N4BP2: variants seen among roughly 807,000 people sequenced by gnomAD.
N4BP2 encodes the protein NEDD4-binding protein 2.
Under a neutral mutation model 152.8 loss-of-function variants are expected in N4BP2, and 91 were observed. That is an observed-to-expected ratio of 0.60 (90% CI 0.50 to 0.71). The LOEUF is 0.71. Ranked by LOEUF, N4BP2 falls within the 30% of genes least tolerant of loss-of-function variation. The pLI, the probability that N4BP2 is intolerant of heterozygous loss-of-function variation, is 0.00. For synonymous variants in N4BP2, 646 were observed against 705.3 expected (o/e 0.92, Z 1.33); for missense variants, 1,923 against 2,059.1 (o/e 0.93, Z 1.28).
chr4:40,069,133 C>CA (rs1283224661), intron 1 of N4BP2, among the ~76,000 whole-genome samples: 1 of 148,958 alleles, frequency 6.7e-6, no homozygotes, highest in Non-Finnish European at 1.5e-5. Flanking sequence ...CAAACAAAAA[C>CA]AAAAAACAAC....
At chr4:40,073,360 A>G (rs1179039438) in intron 1 of N4BP2, 95 bp from the exon 2 acceptor site, 2 of 152,008 alleles carry the variant, frequency 1.3e-5, no homozygotes, top group Non-Finnish European at 2.9e-5. Context: ...AATATCATAT[A>G]TATTATAAAT....
chr4:40,163,824 A>T, the N4BP2 span, among the ~76,000 whole-genome samples: 1 of 152,240 alleles, frequency 6.6e-6, no homozygotes. Context: ...ACCTGGAAGC[A>T]TCCTAATGAT....
At position 40,157,071 on chromosome 4, in the gene N4BP2, C is replaced by A. The variant is rs899103012; in HGVS notation, c.*2834C>A. ...ATTATATTCATTCAGTAGTCTCTTACCATTATCTCCCAGATGGAAAAAGAG... is the reference window on the plus strand; with the variant it reads ...ATTATATTCATTCAGTAGTCTCTTAACATTATCTCCCAGATGGAAAAAGAG... On this transcript the variant is annotated 3_prime_UTR_variant, in exon 18 of 18. Coordinates refer to ENST00000261435, the MANE Select transcript of N4BP2 (RefSeq NM_018177.6). The A allele has an allele frequency of 5.3e-5, 8 of 152,058 alleles. No individual in the cohort carries two copies. The highest frequency in any genetic ancestry group is 1.9e-4 in the African/African-American group (8 of 41,398). 9.4% of individuals were successfully genotyped at this position (152,058 alleles called of 1,614,324 possible).
chr4:40,076,495 C>CT (rs202162739), intron 2 of N4BP2, among the ~76,000 whole-genome samples: 178 of 147,262 alleles, frequency 1.2e-3, no homozygotes, highest in East Asian at 4.9e-3. Flanking sequence ...CCAAAAATAT[C>CT]TTTTTTTTTT....
intron 1 of N4BP2, among the ~76,000 whole-genome samples, chr4:40,066,518 C>T (rs950797039): frequency 6.6e-6 from 1 of 151,818 alleles, no homozygotes; most frequent in Non-Finnish European, 1.5e-5. Context: ...TGAGGTTACA[C>T]TATGTTGGCC....
chr4:40,148,735 C>T (rs1436948719), intron 16 of N4BP2, among the ~76,000 whole-genome samples: 1 of 152,066 alleles, frequency 6.6e-6, no homozygotes. Flanking sequence ...AGTGATCCTC[C>T]CACCTTGGCC....
chr4:40,182,970 C>T, the N4BP2 span, among the ~76,000 whole-genome samples: 1 of 152,160 alleles, frequency 6.6e-6, no homozygotes, highest in Non-Finnish European at 1.5e-5. Context: ...AGCCACCATG[C>T]GTGGCCCCAT....
the N4BP2 span, among the ~76,000 whole-genome samples, chr4:40,189,371 A>G: frequency 6.6e-6 from 1 of 152,054 alleles, no homozygotes; most frequent in Non-Finnish European, 1.5e-5. This position sits in a 1 kb window ranked among gnomAD's most constrained non-coding sequence, Gnocchi z 4.3. Flanking sequence ...CAGAGAAGAG[A>G]CTCAGAAAGG....
intron 2 of N4BP2, among the ~76,000 whole-genome samples, chr4:40,083,901 C>T (rs1013509396): frequency 2.0e-4 from 30 of 152,208 alleles, no homozygotes; most frequent in Non-Finnish European, 3.5e-4. Flanking sequence ...ATCCACGACG[C>T]TACCTTTGAT....
chr4:40,135,508 C>G (rs1423346504), intron 13 of N4BP2, among the ~76,000 whole-genome samples: 1 of 152,050 alleles, frequency 6.6e-6, no homozygotes, highest in East Asian at 1.9e-4. Flanking sequence ...GTTCTAGATC[C>G]CTGAGGAATC....
rs147105928 is a variant in N4BP2 at position 40,101,891 on chromosome 4, T to G, written c.230-184T>G. Reference sequence around the variant, plus strand: ...TGCATGTCTCCATCATTCAGACTTTTTGCTACTACAGACTTTGGTATGTTA... The same window carrying G: ...TGCATGTCTCCATCATTCAGACTTTGTGCTACTACAGACTTTGGTATGTTA... On this transcript the variant is annotated intron_variant, in intron 3 of 17. Transcript: ENST00000261435. 3.3e-5 allele frequency among the ~76,000 whole-genome samples: 5 copies of G among 151,836 alleles called. No individual in the cohort carries two copies. The East Asian group carries it at 7.7e-4, about 23-fold the overall frequency.
intron 5 of N4BP2, among the ~76,000 whole-genome samples, chr4:40,108,820 G>GT (rs762951724): frequency 5.1e-3 from 722 of 141,664 alleles, no homozygotes; most frequent in Middle Eastern, 7.7e-3. Flanking sequence ...ATTTTCCTCA[G>GT]TTTTTTTTTT....
intron 16 of N4BP2, among the ~76,000 whole-genome samples, chr4:40,145,675 G>A (rs1720448147): frequency 6.6e-6 from 1 of 152,162 alleles, no homozygotes; most frequent in Admixed American, 6.5e-5. Context: ...TCTTTCTATA[G>A]AGGATGAATT....
At chr4:40,187,796 CAT>C in the N4BP2 span, among the ~76,000 whole-genome samples, 1 of 152,220 alleles carries the variant, frequency 6.6e-6, no homozygotes, top group Non-Finnish European at 1.5e-5. Flanking sequence ...CATTCTCACA[CAT>C]GTCGTTCACA....
chr4:40,065,594 G>A (rs531635675), intron 1 of N4BP2, among the ~76,000 whole-genome samples: 97 of 152,224 alleles, frequency 6.4e-4, no homozygotes, highest in Non-Finnish European at 1.2e-3. Context: ...GGGTCAAGGA[G>A]TCAACAGAAA....
At position 40,117,866 on chromosome 4, in the gene N4BP2, C is replaced by A; in HGVS notation, c.1665-3C>A. The stretch of plus-strand genomic sequence containing the variant: ...CAACCCTTTTTTCCCCTGGAATTTT[C>A]AGGCGTAACATTCATGGGGTAAGCA... On this transcript the variant is annotated splice_polypyrimidine_tract_variant and splice_region_variant and intron_variant, in intron 7 of 17. Transcript: ENST00000261435. The A allele has an allele frequency of 2.5e-6, 4 of 1,588,658 alleles. No individual in the cohort carries two copies. Among genetic ancestry groups the A allele is most frequent in the South Asian group, 1.2e-5 (1 of 86,466 alleles).
At chr4:40,075,768 A>G (rs1363262290) in intron 2 of N4BP2, among the ~76,000 whole-genome samples, 1 of 152,198 alleles carries the variant, frequency 6.6e-6, no homozygotes, top group African/African-American at 2.4e-5. Flanking sequence ...GAGTTCTGCC[A>G]TAATTTATAC....
At chr4:40,094,424 G>C (rs1714917595) in intron 2 of N4BP2, among the ~76,000 whole-genome samples, 1 of 152,154 alleles carries the variant, frequency 6.6e-6, no homozygotes, top group African/African-American at 2.4e-5. Context: ...GTCTGTTGTT[G>C]ATAGAGTGGT....
At chr4:40,078,135 G>T (rs953270013) in intron 2 of N4BP2, among the ~76,000 whole-genome samples, 1 of 151,824 alleles carries the variant, frequency 6.6e-6, no homozygotes, top group Non-Finnish European at 1.5e-5. Context: ...GTGTGTGTGT[G>T]TGTGTGTGTG....
Sources: allele counts gnomAD v4.1 joint callset (sites outside exome capture counted in the v4.1 genomes callset), GRCh38; gene constraint gnomAD v4.1.1; non-coding constraint Gnocchi (gnomAD v3.1); transcripts MANE v1.5; gene names NCBI Gene and HGNC (gene_info 2026-07-23, HGNC 2026-07-21).